ZNF699: variants seen among roughly 807,000 people sequenced by gnomAD.
ZNF699 encodes zinc finger protein 699, also known as hangover homolog.
Under a neutral mutation model 22.5 loss-of-function variants are expected in ZNF699, and 18 were observed. The ratio of observed to expected loss-of-function variants is 0.80; its 90% CI spans 0.55 to 1.19. ZNF699 has a LOEUF of 1.19. Among genes scored for constraint, ZNF699 ranks in the 50% most tolerant of loss-of-function variants. ZNF699 has a pLI of 0.00. For synonymous variants in ZNF699, 241 were observed against 262.3 expected, an observed-to-expected ratio of 0.92 and a Z score of 0.78; for missense variants, 670 against 763.4, an observed-to-expected ratio of 0.88 and a Z score of 1.44.
chr19:9,296,369 G>C lies in ZNF699; in HGVS notation c.1035C>G (p.Ser345Arg). Residue 345 changes from serine (S) to arginine (R), a missense_variant, in exon 6 of 6, where the codon AGC becomes AGG. By Grantham distance (110) the Ser-to-Arg change is moderately radical. Transcript: ENST00000591998. ...TATGTATTATAAGGTGAGAGGAAGA[G>C]CTAAAGGCCTTCCCACATTCCTTAC... ...YECKECGKAF[S>R]SSSHLIIHIR... is the part of the protein sequence containing the mutation. The C allele has an allele frequency of 6.2e-7, 1 of 1,607,290 alleles. No individual in the cohort carries two copies. The highest frequency in any genetic ancestry group is 8.5e-7 in the Non-Finnish European group (1 of 1,177,654).
chr19:9,307,365 T>A (rs1206121297), intron 1 of ZNF699, among the ~76,000 whole-genome samples: 1 of 152,046 alleles, frequency 6.6e-6, no homozygotes, highest in African/African-American at 2.4e-5. Flanking sequence ...TCACAAGGAA[T>A]AAGGCATAGA....
Position 9,302,394 on chromosome 19 carries a change from C to T in ZNF699, c.159G>A (p.Gln53=). 1 of 1,613,902 alleles carries T rather than the reference C, an allele frequency of 6.2e-7. No individual in the cohort carries two copies. Among genetic ancestry groups the T allele is most frequent in the Non-Finnish European group, 8.5e-7 (1 of 1,179,836 alleles). Residue 53 remains glutamine (Q), a synonymous_variant, in exon 3 of 6, where the codon CAG becomes CAA. Transcript: ENST00000591998. ...CATTCTTACCTAGTGAGGCCAGGTT[C>T]TGGAAGTTTTCCAGCATCACATCTC... is the stretch of plus-strand genomic sequence containing the variant. ...LYRDVMLENF[Q]NLASLGYPLH...
intron 2 of ZNF699, among the ~76,000 whole-genome samples, chr19:9,302,959 G>A (rs1247782830): frequency 6.6e-6 from 1 of 151,912 alleles, no homozygotes; most frequent in Admixed American, 6.6e-5. Flanking sequence ...GAGCCACAAG[G>A]TTGAGGCTGC....
Position 9,297,827 on chromosome 19 carries a change from C to G in ZNF699, c.286+53G>C, listed in dbSNP as rs997083239. ...AAACAAAGTTTGTTTTTGTTTTTTA[C>G]TTTAAGTTTATTTTTTCCCCCAACC... is the stretch of plus-strand genomic sequence containing the variant. On this transcript the variant is annotated intron_variant, in intron 4 of 5. Transcript: ENST00000591998. This position sits in a 1 kb window ranked among gnomAD's most constrained non-coding sequence, Gnocchi z 4.3. The G allele has an allele frequency of 1.5e-5, 21 of 1,421,400 alleles. No individual in the cohort carries two copies. Among genetic ancestry groups the G allele is most frequent in the Non-Finnish European group, 1.9e-5 (19 of 1,010,854 alleles). 88.0% of individuals were successfully genotyped at this position (1,421,400 alleles called of 1,614,324 possible).
intron 2 of ZNF699, among the ~76,000 whole-genome samples, chr19:9,302,922 A>C (rs1000908177): frequency 6.6e-6 from 1 of 151,928 alleles, no homozygotes; most frequent in Non-Finnish European, 1.5e-5. Flanking sequence ...GCTACTCCGG[A>C]GGCTGAGGTG....
intron 2 of ZNF699, among the ~76,000 whole-genome samples, chr19:9,303,982 T>C (rs1482215975): frequency 1.3e-5 from 2 of 151,266 alleles, no homozygotes; most frequent in Non-Finnish European, 2.9e-5. Flanking sequence ...CATGCCCAGC[T>C]ACTTTTTTTT....
chr19:9,303,152 G>A (rs1397625043), intron 2 of ZNF699, among the ~76,000 whole-genome samples: 1 of 152,170 alleles, frequency 6.6e-6, no homozygotes, highest in Non-Finnish European at 1.5e-5. Context: ...CACCAGATGT[G>A]TGGGGGATAT....
rs1002910481 is a variant in ZNF699, at chr19:9,292,577, T to C, written c.*2898A>G. Among the ~76,000 whole-genome samples the C allele has an allele frequency of 6.6e-6, 1 of 152,194 alleles. No individual in the cohort carries two copies. Among genetic ancestry groups the C allele is most frequent in the South Asian group, 2.1e-4 (1 of 4,834 alleles). On this transcript the variant is annotated 3_prime_UTR_variant, in exon 6 of 6. Coordinates refer to ENST00000591998, the MANE Select transcript of ZNF699 (RefSeq NM_198535.3). ...TTTAGCCCCAGGATTTAGCCATGTC[T>C]GAAGCTCGTTATACCCAAGGACTTT...
chr19:9,296,245 C>T lies in ZNF699; in HGVS notation c.1159G>A (p.Gly387Arg). ...KLTVHGRTHT[G>R]EKPYKCKECG... Reference sequence around the variant, plus strand: ...TCCTTACATTTATAGGGTTTCTCTCCAGTATGTGTCCTCCCATGTACAGTG... The same window carrying T: ...TCCTTACATTTATAGGGTTTCTCTCTAGTATGTGTCCTCCCATGTACAGTG... The change falls in exon 6 of 6, where the codon GGA (glycine) becomes AGA (arginine). Residue 387 changes from glycine (G) to arginine (R), a missense_variant. Coordinates refer to ENST00000591998, the MANE Select transcript of ZNF699 (RefSeq NM_198535.3). 1 of 1,614,092 alleles carries T rather than the reference C, an allele frequency of 6.2e-7. No homozygotes were observed. The highest frequency in any genetic ancestry group is 8.5e-7 in the Non-Finnish European group (1 of 1,180,000).
intron 3 of ZNF699, among the ~76,000 whole-genome samples, chr19:9,300,307 C>T (rs1287848930): frequency 2.0e-5 from 3 of 152,170 alleles, no homozygotes; most frequent in Non-Finnish European, 4.4e-5. Flanking sequence ...GTCTCGATCT[C>T]CTGACCTCGT....
rs935823666 is a variant in ZNF699 at position 9,295,217 on chromosome 19, C to T, written c.*258G>A. On this transcript the variant is annotated 3_prime_UTR_variant, in exon 6 of 6. Transcript: ENST00000591998. The stretch of plus-strand genomic sequence containing the variant: ...CCTATCAGAAAACACTGGTAATCAA[C>T]GAGCCAGCATTCTACTTTAAGGATG... 8 of 439,388 alleles carry T rather than the reference C, an allele frequency of 1.8e-5. No individual in the cohort carries two copies. Among genetic ancestry groups the T allele is most frequent in the Admixed American group, 1.2e-4 (3 of 25,778 alleles). The allele number at this position is 439,388 out of a possible 1,614,324, so 27.2% of individuals were successfully genotyped here. A position where few individuals can be genotyped will look rare whatever the true frequency, so the allele number is the denominator to read the frequency against.
chr19:9,298,044 T>C, intron 3 of ZNF699, 54 bp from the exon 4 acceptor site: 1 of 1,243,610 alleles, frequency 8.0e-7, no homozygotes, highest in East Asian at 2.3e-5. Flanking sequence ...ATCACTAACA[T>C]TTCCATGAAA....
chr19:9,307,987 T>A (rs115263070), intron 1 of ZNF699, among the ~76,000 whole-genome samples: 2,668 of 151,416 alleles, frequency 0.018, 44 homozygotes, highest in African/African-American at 0.039. Flanking sequence ...GCTAGACTAT[T>A]GATATATAAA....
At chr19:9,305,612 G>T (rs991751144) in intron 1 of ZNF699, among the ~76,000 whole-genome samples, 7 of 152,134 alleles carry the variant, frequency 4.6e-5, no homozygotes, top group African/African-American at 1.7e-4. Context: ...TGCACCCCTT[G>T]GCTGGCTAAC....
At position 9,295,976 on chromosome 19, in the gene ZNF699, T is replaced by A; in HGVS notation, c.1428A>T (p.Glu476Asp). Residue 476 changes from glutamate to aspartate, a missense_variant, in exon 6 of 6, where the codon GAA becomes GAT. By Grantham distance (45) the Glu-to-Asp change is conservative. Transcript: ENST00000591998. Reference sequence around the variant, plus strand: ...TAAAGGTCTTCCCACACTCCTTACATTCATACTGTATCTTTCCAGTGTGAT... The same window carrying A: ...TAAAGGTCTTCCCACACTCCTTACAATCATACTGTATCTTTCCAGTGTGAT... ...VRDHTGKIQY[E>D]CKECGKTFSR... 6.2e-7 allele frequency: 1 copy of A among 1,614,086 alleles called. No homozygotes were observed. The highest frequency in any genetic ancestry group is 1.1e-5 in the South Asian group (1 of 91,080).
chr19:9,295,825 C>T lies in ZNF699; in HGVS notation c.1579G>A (p.Gly527Arg). Residue 527 changes from glycine to arginine, a missense_variant, in exon 6 of 6, where the codon GGA (glycine) becomes AGA (arginine). Transcript: ENST00000591998. ...HLTVHIRTHT[G>R]EKPYECKKCG... ...TTCTTACATTCATAGGGTTTCTCTC[C>T]AGTGTGAGTTCTGATATGTACTGTA... 6.2e-6 allele frequency: 10 copies of T among 1,613,858 alleles called. No individual in the cohort carries two copies. Among genetic ancestry groups the T allele is most frequent in the Non-Finnish European group, 8.5e-6 (10 of 1,179,968 alleles).
chr19:9,297,161 AACT>A lies in ZNF699; in HGVS notation c.470+132_470+134del. Reference sequence around the variant, plus strand: ...CCCGGTCTCATTTGTGGAAAAAATTAACTCATGAAAATTCTTTCTCAAACCACA... The same window carrying A: ...CCCGGTCTCATTTGTGGAAAAAATTACATGAAAATTCTTTCTCAAACCACA... On this transcript the variant is annotated intron_variant, in intron 5 of 5. Coordinates refer to ENST00000591998, the MANE Select transcript of ZNF699 (RefSeq NM_198535.3). The surrounding 1 kb of genome is among the most constrained non-coding windows in gnomAD (Gnocchi z 4.3). The A allele has an allele frequency of 1.0e-6, 1 of 969,354 alleles. No homozygotes were observed. Among genetic ancestry groups the A allele is most frequent in the Non-Finnish European group, 1.5e-6 (1 of 678,288 alleles). 60.0% of individuals were successfully genotyped at this position (969,354 alleles called of 1,614,324 possible). A position where few individuals can be genotyped will look rare whatever the true frequency, so the allele number is the denominator to read the frequency against.
chr19:9,297,181 C>G lies in ZNF699; in HGVS notation c.470+115G>C, dbSNP rs2066290114. 1 of 1,169,464 alleles carries G rather than the reference C, an allele frequency of 8.6e-7. No homozygotes were observed. Among genetic ancestry groups the G allele is most frequent in the South Asian group, 1.6e-5 (1 of 61,810 alleles). 72.4% of individuals were successfully genotyped at this position (1,169,464 alleles called of 1,614,324 possible). A position where few individuals can be genotyped will look rare whatever the true frequency, so the allele number is the denominator to read the frequency against. On this transcript the variant is annotated intron_variant, in intron 5 of 5. Coordinates refer to ENST00000591998, the MANE Select transcript of ZNF699 (RefSeq NM_198535.3). This position sits in a 1 kb window ranked among gnomAD's most constrained non-coding sequence, Gnocchi z 4.3. ...AAATTAACTCATGAAAATTCTTTCT[C>G]AAACCACAATCTTTGATCTAGGCTT...
At chr19:9,301,018 T>C (rs2066305141) in intron 3 of ZNF699, among the ~76,000 whole-genome samples, 1 of 152,140 alleles carries the variant, frequency 6.6e-6, no homozygotes, top group African/African-American at 2.4e-5. Flanking sequence ...GATGTTGTTA[T>C]TAGAGGAGGC....
Sources: allele counts gnomAD v4.1 joint callset (sites outside exome capture counted in the v4.1 genomes callset), GRCh38; gene constraint gnomAD v4.1.1; non-coding constraint Gnocchi (gnomAD v3.1); transcripts MANE v1.5; gene names NCBI Gene and HGNC (gene_info 2026-07-23, HGNC 2026-07-21).